Variants in PRTN3 observed in about 807,000 individuals in gnomAD.
PRTN3 encodes the protein proteinase 3, also known as myeloblastin.
Under a neutral mutation model 20.7 loss-of-function variants are expected in PRTN3, and 22 were observed. That is an observed-to-expected ratio of 1.06 (90% confidence interval 0.76 to 1.52). The LOEUF (loss-of-function observed/expected upper bound fraction) is 1.52, where lower values mean the gene tolerates loss of function less well. Ranked by LOEUF, PRTN3 falls within the 40% of genes most tolerant of loss-of-function variation. The pLI is 0.00. For synonymous variants in PRTN3, 173 were observed against 152.9 expected, an observed-to-expected ratio of 1.13 and a Z score of -0.97; for missense variants, 378 against 359.6, an observed-to-expected ratio of 1.05 and a Z score of -0.41.
At chr19:841,759 GCC>G (rs2035443966) in intron 1 of PRTN3, among the ~76,000 whole-genome samples, 1 of 123,966 alleles carries the variant, frequency 8.1e-6, no homozygotes, top group African/African-American at 3.1e-5. Flanking sequence ...ACGGAGTCTC[GCC>G]CTGTCGCCCA....
At chr19:841,790 C>A (rs527896590) in intron 1 of PRTN3, among the ~76,000 whole-genome samples, 2 of 135,672 alleles carry the variant, frequency 1.5e-5, no homozygotes, top group Non-Finnish European at 3.1e-5. Flanking sequence ...TGCAGTGGCG[C>A]GATCTCGGCT....
At chr19:841,730 T>C (rs1463095488) in intron 1 of PRTN3, among the ~76,000 whole-genome samples, 1 of 119,126 alleles carries the variant, frequency 8.4e-6, no homozygotes, top group Non-Finnish European at 1.8e-5. Context: ...TTTTTCTTTT[T>C]CTTTTTTTTT....
In PRTN3 at chr19:847,796, C is replaced by T; in HGVS notation, c.601-3C>T. On this transcript the variant is annotated splice_polypyrimidine_tract_variant and splice_region_variant and intron_variant, in intron 4 of 4. Coordinates refer to ENST00000234347, the MANE Select transcript of PRTN3 (RefSeq NM_002777.4). ...TGGGTGACTGGCCGTCCCTGTCCTC[C>T]AGGGAGACTCAGGTGGCCCCCTGAT... 1 of 1,606,426 alleles carries T rather than the reference C, an allele frequency of 6.2e-7. No individual in the cohort carries two copies.
At chr19:846,056 T>TGGTGGGTGG in intron 3 of PRTN3, 91 bp from the exon 4 acceptor site, 1 of 886,588 alleles carries the variant, frequency 1.1e-6, no homozygotes, top group Non-Finnish European at 1.6e-6. Context: ...CGTTTTGAGG[T>TGGTGGGTGG]GGTGGGTGTG....
At chr19:843,685 C>T in intron 2 of PRTN3, 59 bp downstream of exon 2, 2 of 1,523,278 alleles carry the variant, frequency 1.3e-6, no homozygotes, top group Non-Finnish European at 1.8e-6. Flanking sequence ...CCAGCCCTGG[C>T]CCGGCCACTG....
chr19:847,545 AAGAAAAAGAAAGAGAGAG>A (rs1309601867), intron 4 of PRTN3, among the ~76,000 whole-genome samples: 235 of 134,832 alleles, frequency 1.7e-3, no homozygotes, highest in African/African-American at 6.9e-3. Flanking sequence ...GAAAGAAAGA[AAGAAAAAGAAAGAGAGAG>A]AGAGAGAGAG....
chr19:841,652 G>A (rs540123528), intron 1 of PRTN3, among the ~76,000 whole-genome samples: 3 of 151,962 alleles, frequency 2.0e-5, no homozygotes, highest in Non-Finnish European at 4.4e-5. Flanking sequence ...CGAGGAGTTA[G>A]TGATGCTGGA....
intron 3 of PRTN3, among the ~76,000 whole-genome samples, chr19:845,065 A>G (rs1378683260): frequency 3.3e-5 from 5 of 149,322 alleles, no homozygotes; most frequent in African/African-American, 1.2e-4. Context: ...CTCCTGCCTC[A>G]GCCTCCTGAG....
intron 1 of PRTN3, 115 bp downstream of exon 1, chr19:841,184 G>C: frequency 1.5e-6 from 2 of 1,368,542 alleles, no homozygotes; most frequent in South Asian, 1.3e-5. Flanking sequence ...AACTGAGGCA[G>C]GGTCAGGGGA....
At chr19:842,294 C>T (rs2035454303) in intron 1 of PRTN3, among the ~76,000 whole-genome samples, 1 of 146,282 alleles carries the variant, frequency 6.8e-6, no homozygotes, top group African/African-American at 2.5e-5. Flanking sequence ...TGTTCATCTG[C>T]AAAATGGGTC....
At position 841,029 on chromosome 19, in the gene PRTN3, C is replaced by A. The variant is rs371210767; in HGVS notation, c.21C>A (p.Ser7Arg). The A allele has an allele frequency of 1.2e-6, 2 of 1,608,966 alleles. No homozygotes were observed. The highest frequency in any genetic ancestry group is 1.7e-6 in the Non-Finnish European group (2 of 1,179,842). Residue 7 changes from serine to arginine, a missense_variant, in exon 1 of 5, where the codon AGC becomes AGA. Physicochemically the swap from Ser to Arg is moderately radical, Grantham distance 110. Transcript: ENST00000234347. ...CCACCATGGCTCACCGGCCCCCCAG[C>A]CCTGCCCTGGCGTCCGTGCTGCTGG... MAHRPP[S>R]PALASVLLAL...
At position 842,025 on chromosome 19, in the gene PRTN3, C is replaced by T. The variant is rs1419681640; in HGVS notation, c.61+956C>T. 6.5e-5 allele frequency among the ~76,000 whole-genome samples: 3 copies of T among 46,114 alleles called. No individual in the cohort carries two copies. The Admixed American group carries it at 1.0e-3, about 16-fold the overall frequency. The allele number at this position is 46,114 out of a possible 152,430, so 30.3% of individuals were successfully genotyped here. ...TACAGGCGTGAGCCACCGCGCCTGG[C>T]CCTTTTTTTTTCTTTTTTGAAACGG... On this transcript the variant is annotated intron_variant, in intron 1 of 4. Coordinates refer to ENST00000234347, the MANE Select transcript of PRTN3 (RefSeq NM_002777.4).
chr19:847,555 A>AAAAGAAAGAAAG (rs1555708008), intron 4 of PRTN3, among the ~76,000 whole-genome samples: 110 of 115,900 alleles, frequency 9.5e-4, no homozygotes, highest in African/African-American at 3.9e-3. Flanking sequence ...AAGAAAAAGA[A>AAAAGAAAGAAAG]AGAGAGAGAG....
intron 2 of PRTN3, 122 bp from the exon 3 acceptor site, chr19:843,771 G>C (rs576452031): frequency 1.4e-6 from 2 of 1,452,310 alleles, no homozygotes; most frequent in Non-Finnish European, 1.8e-6. Context: ...AGTTCTGGGG[G>C]GAGGCCCGGG....
chr19:846,350 C>A lies in PRTN3; in HGVS notation c.573C>A (p.Val191=). The change falls in exon 4 of 5, where the codon GTC becomes GTA. Residue 191 remains valine, a synonymous_variant. Transcript: ENST00000234347. ...GGCCACATAACATTTGCACTTTCGT[C>A]CCTCGCCGCAAGGCCGGCATCTGCT... The part of the protein sequence containing the change: ...FCRPHNICTF[V]PRRKAGICFG... 3 of 1,567,894 alleles carry A rather than the reference C, an allele frequency of 1.9e-6. No individual in the cohort carries two copies. The highest frequency in any genetic ancestry group is 2.6e-6 in the Non-Finnish European group (3 of 1,157,488).
intron 3 of PRTN3, among the ~76,000 whole-genome samples, chr19:844,620 G>A (rs1208991096): frequency 1.3e-5 from 2 of 149,264 alleles, no homozygotes; most frequent in Non-Finnish European, 3.0e-5. Context: ...TGGAAGTGGC[G>A]AGGACAGCCA....
At position 846,385 on chromosome 19, in the gene PRTN3, A is replaced by T. The variant is rs1421101356; in HGVS notation, c.600+8A>T. 4 of 1,548,432 alleles carry T rather than the reference A, an allele frequency of 2.6e-6. No homozygotes were observed. In the Admixed American group the frequency reaches 6.0e-5, roughly 23 times the overall value. On this transcript the variant is annotated splice_region_variant and intron_variant, in intron 4 of 4. Transcript: ENST00000234347. ...AAGGCCGGCATCTGCTTCGTAAGTAACCGTGCCCCCACCCCGGGCACCGGG... is the reference window on the plus strand; with the variant it reads ...AAGGCCGGCATCTGCTTCGTAAGTATCCGTGCCCCCACCCCGGGCACCGGG...
rs376064325 is a variant in PRTN3 at position 847,983 on chromosome 19, C to T, written c.*14C>T. ...GGCCGCCCCTGAACCGCCCCTCCCA[C>T]AGCGCTGGCCGGGACCCCGAGCCTG... On this transcript the variant is annotated 3_prime_UTR_variant, in exon 5 of 5. Transcript: ENST00000234347. 123 of 1,587,472 alleles carry T rather than the reference C, an allele frequency of 7.7e-5. No homozygotes were observed. Among genetic ancestry groups the T allele is most frequent in the Non-Finnish European group, 1.1e-4 (123 of 1,168,024 alleles).
intron 1 of PRTN3, among the ~76,000 whole-genome samples, chr19:841,323 G>C (rs2035435382): frequency 6.6e-6 from 1 of 152,270 alleles, no homozygotes; most frequent in Non-Finnish European, 1.5e-5. Context: ...CTCCTGAGGA[G>C]CTGTTTTGGG....
Sources: allele counts gnomAD v4.1 joint callset (sites outside exome capture counted in the v4.1 genomes callset), GRCh38; gene constraint gnomAD v4.1.1; transcripts MANE v1.5; gene names NCBI Gene and HGNC (gene_info 2026-07-23, HGNC 2026-07-21).